P3H2: variants seen among roughly 807,000 people sequenced by gnomAD.
P3H2 encodes prolyl 3-hydroxylase 2.
A neutral mutation model predicts 87.0 loss-of-function variants in P3H2; 80 were observed. The observed-to-expected ratio is 0.92, with a 90% CI of 0.77 to 1.11. The LOEUF (loss-of-function observed/expected upper bound fraction) is 1.11. Among genes scored for constraint, P3H2 ranks in the 50% least tolerant of loss-of-function variants. The pLI, the probability that P3H2 is intolerant of heterozygous loss-of-function variation, is 0.00. For missense variants in P3H2, 1,001 were observed against 923.9 expected (o/e 1.08, Z -1.08); for synonymous variants, 367 against 359.3 (o/e 1.02, Z -0.24).
intron 1 of P3H2, among the ~76,000 whole-genome samples, chr3:190,055,798 G>C (rs541380930): frequency 6.6e-6 from 1 of 152,246 alleles, no homozygotes; most frequent in East Asian, 1.9e-4. Flanking sequence ...GATAATAAAA[G>C]TAAGCTTTCT....
chr3:190,031,408 C>T (rs1257508077), intron 1 of P3H2, among the ~76,000 whole-genome samples: 6 of 149,612 alleles, frequency 4.0e-5, no homozygotes, highest in Admixed American at 2.0e-4. Flanking sequence ...GAGGCCAAGA[C>T]AGGCTAATCA....
intron 1 of P3H2, among the ~76,000 whole-genome samples, chr3:190,039,189 C>CA (rs3062148): frequency 0.016 from 2,378 of 147,012 alleles, 66 homozygotes; most frequent in African/African-American, 0.054. Flanking sequence ...AACTCCATCT[C>CA]AAAAAAAAAA....
intron 8 of P3H2, among the ~76,000 whole-genome samples, chr3:189,975,098 C>T (rs991435516): frequency 2.6e-5 from 4 of 152,164 alleles, no homozygotes; most frequent in African/African-American, 9.7e-5. Context: ...ATGCACACCT[C>T]AGTTTCACTG....
In P3H2 at chr3:190,014,788, A is replaced by T. The variant is rs563629763; in HGVS notation, c.481-19346T>A. 1.5e-4 allele frequency among the ~76,000 whole-genome samples: 22 copies of T among 151,026 alleles called. No homozygotes were observed. The South Asian group carries it at 4.0e-3, about 28-fold the overall frequency. ...TTCTGCTCTGTATGACTCTTTCCAT[A>T]CTCCCCGGCTGGTGCCTTCAGAGCC... is the stretch of plus-strand genomic sequence containing the variant. On this transcript the variant is annotated intron_variant, in intron 1 of 14. Coordinates refer to ENST00000319332, the MANE Select transcript of P3H2 (RefSeq NM_018192.4).
At chr3:190,102,461 C>T (rs1711664087) in intron 1 of P3H2, among the ~76,000 whole-genome samples, 1 of 152,142 alleles carries the variant, frequency 6.6e-6, no homozygotes, top group South Asian at 2.1e-4. Flanking sequence ...TCGAGGAATT[C>T]AAGATTTCAG....
Position 189,974,694 on chromosome 3 carries a change from A to G in P3H2, c.1325-9T>C, listed in dbSNP as rs763195848. The G allele has an allele frequency of 1.9e-6, 3 of 1,614,188 alleles. No homozygotes were observed. The highest frequency in any genetic ancestry group is 3.3e-5 in the Admixed American group (2 of 60,026). Reference sequence around the variant, plus strand: ...ATAGAGTAGAGGACCACCTACAGGAACAGAGCACATTGTCTTCCCTGTTAC... The same window carrying G: ...ATAGAGTAGAGGACCACCTACAGGAGCAGAGCACATTGTCTTCCCTGTTAC... On this transcript the variant is annotated splice_polypyrimidine_tract_variant and intron_variant, in intron 8 of 14. Transcript: ENST00000319332.
In P3H2 at chr3:189,966,096, AAG is replaced by A. The variant is rs1457728802; in HGVS notation, c.1894-2000_1894-1999del. On this transcript the variant is annotated intron_variant, in intron 13 of 14. Transcript: ENST00000319332. Reference sequence around the variant, plus strand: ...AAGGAAAGAAAGGAAGAAAGAAAGAAAGAAAGAAAAAAGAAAGAAAGAAAGAA... The same window carrying A: ...AAGGAAAGAAAGGAAGAAAGAAAGAAAAAGAAAAAAGAAAGAAAGAAAGAA... 4.7e-5 allele frequency among the ~76,000 whole-genome samples: 6 copies of A among 128,788 alleles called. No individual in the cohort carries two copies. The East Asian group carries it at 1.9e-3, about 40-fold the overall frequency. The allele number at this position is 128,788 out of a possible 152,430, so 84.5% of individuals were successfully genotyped here.
At chr3:189,981,150 G>C (rs1310075937) in intron 8 of P3H2, among the ~76,000 whole-genome samples, 4 of 152,156 alleles carry the variant, frequency 2.6e-5, no homozygotes, top group Non-Finnish European at 4.4e-5. Context: ...GTAAACACAA[G>C]AGTTTCCTGA....
chr3:189,968,997 G>T, intron 13 of P3H2: 1 of 214,852 alleles, frequency 4.7e-6, no homozygotes, highest in African/African-American at 2.3e-5. Flanking sequence ...CTAGATATTA[G>T]CCCTTTGTCA....
chr3:190,110,038 G>A (rs1712012201), intron 1 of P3H2, among the ~76,000 whole-genome samples: 1 of 151,718 alleles, frequency 6.6e-6, no homozygotes. Flanking sequence ...TAGTAGAGTT[G>A]GGGTTTCACC....
chr3:190,100,044 C>T (rs1711559926), intron 1 of P3H2, among the ~76,000 whole-genome samples: 1 of 152,010 alleles, frequency 6.6e-6, no homozygotes, highest in Admixed American at 6.5e-5. Flanking sequence ...GACCAGCCGG[C>T]CCAACATGGT....
intron 1 of P3H2, among the ~76,000 whole-genome samples, chr3:190,040,245 G>A (rs1015346912): frequency 1.2e-4 from 19 of 152,102 alleles, no homozygotes; most frequent in Non-Finnish European, 2.5e-4. Context: ...TGAAAAACCT[G>A]GGATGAAGAT....
intron 14 of P3H2, 112 bp from the exon 15 acceptor site, chr3:189,958,116 T>C: frequency 1.3e-6 from 1 of 784,906 alleles, no homozygotes; most frequent in Non-Finnish European, 2.3e-6. Context: ...TGATGCTATA[T>C]CCAGTTAAGC....
intron 8 of P3H2, among the ~76,000 whole-genome samples, chr3:189,978,067 T>G (rs1723407516): frequency 6.6e-6 from 1 of 152,182 alleles, no homozygotes; most frequent in Non-Finnish European, 1.5e-5. Context: ...CATTCCAATT[T>G]AGAAGTATAA....
At chr3:190,006,517 A>AT (rs1158554169) in intron 1 of P3H2, among the ~76,000 whole-genome samples, 3 of 152,252 alleles carry the variant, frequency 2.0e-5, no homozygotes, top group Non-Finnish European at 4.4e-5. Flanking sequence ...TACAAAATAA[A>AT]TGTGACAGGA....
chr3:190,049,031 G>T (rs779381045), intron 1 of P3H2, among the ~76,000 whole-genome samples: 1 of 152,164 alleles, frequency 6.6e-6, no homozygotes, highest in Admixed American at 6.5e-5. Flanking sequence ...CACAGAAGAC[G>T]TGAGTAAGGG....
At chr3:189,981,072 A>G (rs750659728) in intron 8 of P3H2, among the ~76,000 whole-genome samples, 2 of 152,248 alleles carry the variant, frequency 1.3e-5, no homozygotes, top group Non-Finnish European at 2.9e-5. Context: ...TCCTCCTGCC[A>G]TCCCCCCATA....
At chr3:190,005,606 T>TG (rs1724363360) in intron 1 of P3H2, among the ~76,000 whole-genome samples, 1 of 152,190 alleles carries the variant, frequency 6.6e-6, no homozygotes. Context: ...AACAAGTAAA[T>TG]CAAAAGCCTT....
chr3:190,033,271 C>A (rs1077232), intron 1 of P3H2, among the ~76,000 whole-genome samples: 1 of 151,486 alleles, frequency 6.6e-6, no homozygotes, highest in Non-Finnish European at 1.5e-5. Flanking sequence ...CAGACTTGTA[C>A]GGGTCCGTGA....
Sources: allele counts gnomAD v4.1 joint callset (sites outside exome capture counted in the v4.1 genomes callset), GRCh38; gene constraint gnomAD v4.1.1; transcripts MANE v1.5; gene names NCBI Gene and HGNC (gene_info 2026-07-23, HGNC 2026-07-21).